Variants in FRMD5 observed in about 807,000 individuals in gnomAD.
FRMD5 encodes FERM domain containing 5, also known as FERM domain-containing protein 5.
FRMD5 carries 20 observed loss-of-function variants against 69.0 expected under a neutral mutation model. The observed-to-expected ratio is 0.29, with a 90% CI of 0.20 to 0.42. The LOEUF (loss-of-function observed/expected upper bound fraction) is 0.42, where lower values mean the gene tolerates loss of function less well. FRMD5 is among the 10% of genes least tolerant of loss of function. FRMD5 has a pLI of 1.00. For synonymous variants in FRMD5, 271 were observed against 260.1 expected (o/e 1.04, Z -0.40); for missense variants, 595 against 708.6 (o/e 0.84, Z 1.82).
intron 1 of FRMD5, among the ~76,000 whole-genome samples, chr15:43,926,884 G>C (rs915745452): frequency 1.4e-5 from 2 of 147,794 alleles, no homozygotes; most frequent in African/African-American, 5.0e-5. Context: ...GTTTCTCCTA[G>C]GACCTCACTA....
intron 1 of FRMD5, among the ~76,000 whole-genome samples, chr15:44,033,653 T>C (rs1013036535): frequency 2.0e-5 from 3 of 152,218 alleles, no homozygotes; most frequent in African/African-American, 7.2e-5. Flanking sequence ...AAAATGGTTT[T>C]AGTTCTGAGC....
chr15:43,951,096 T>C (rs939550835), intron 1 of FRMD5, among the ~76,000 whole-genome samples: 1 of 152,090 alleles, frequency 6.6e-6, no homozygotes, highest in African/African-American at 2.4e-5. Context: ...TTTGAGAACA[T>C]AAAAATCTGT....
intron 1 of FRMD5, among the ~76,000 whole-genome samples, chr15:44,126,023 TGATCAGATAGTATC>T (rs750332428): frequency 2.6e-5 from 4 of 152,228 alleles, no homozygotes; most frequent in Non-Finnish European, 5.9e-5. Context: ...CACAGAGTTA[TGATCAGATAGTATC>T]AAAAAAACCA....
intron 1 of FRMD5, among the ~76,000 whole-genome samples, chr15:44,193,625 C>A (rs920208949): frequency 6.6e-6 from 1 of 152,196 alleles, no homozygotes; most frequent in Non-Finnish European, 1.5e-5. Flanking sequence ...AGATTTTGTG[C>A]TCTTTCTCTA....
intron 1 of FRMD5, among the ~76,000 whole-genome samples, chr15:44,193,062 C>T (rs1380247671): frequency 6.6e-6 from 1 of 152,008 alleles, no homozygotes; most frequent in African/African-American, 2.4e-5. Context: ...AAAAACTACC[C>T]ACAATTATAA....
intron 7 of FRMD5, among the ~76,000 whole-genome samples, chr15:43,899,261 A>T (rs961049261): frequency 7.2e-5 from 11 of 152,058 alleles, no homozygotes; most frequent in Non-Finnish European, 1.3e-4. Context: ...TTGCTGGGAG[A>T]GCTGAGGAAT....
chr15:43,992,343 CTTTT>C (rs5812259), intron 1 of FRMD5, among the ~76,000 whole-genome samples: 3 of 134,932 alleles, frequency 2.2e-5, no homozygotes, highest in Non-Finnish European at 1.6e-5. Flanking sequence ...GTTGTAAATT[CTTTT>C]TTTTTTTTTT....
At position 44,192,003 on chromosome 15, in the gene FRMD5, G is replaced by A. The variant is rs184063657; in HGVS notation, c.102+2950C>T. 2.1e-4 allele frequency among the ~76,000 whole-genome samples: 31 copies of A among 147,874 alleles called. No homozygotes were observed. The Middle Eastern group carries it at 0.011, about 52-fold the overall frequency. On this transcript the variant is annotated intron_variant, in intron 1 of 13. Coordinates refer to ENST00000417257, the MANE Select transcript of FRMD5 (RefSeq NM_032892.5). The stretch of plus-strand genomic sequence containing the variant: ...ATGAGTAGACCAGATCTGCATTTAC[G>A]AGGAAATGACCTTCAAAACTGGCAG...
chr15:43,994,852 T>C (rs1889848622), intron 1 of FRMD5, among the ~76,000 whole-genome samples: 1 of 152,268 alleles, frequency 6.6e-6, no homozygotes, highest in Non-Finnish European at 1.5e-5. Context: ...TGAGTTTGTA[T>C]GTTTTAATGT....
At chr15:44,198,829 C>T (rs1595583591), upstream of FRMD5, among the ~76,000 whole-genome samples, 4 of 152,178 alleles carry the variant, frequency 2.6e-5, no homozygotes, top group Admixed American at 2.6e-4. Flanking sequence ...TGAGAACCAG[C>T]GTGCCATAGC....
chr15:43,919,886 A>T, intron 2 of FRMD5, 77 bp from the exon 3 acceptor site: 1 of 1,331,216 alleles, frequency 7.5e-7, no homozygotes, highest in Non-Finnish European at 1.1e-6. Flanking sequence ...CCAACTTAAA[A>T]AACTAGACAG....
chr15:44,101,796 G>A (rs193060683), intron 1 of FRMD5, among the ~76,000 whole-genome samples: 2 of 152,316 alleles, frequency 1.3e-5, no homozygotes, highest in African/African-American at 4.8e-5. Flanking sequence ...TGTTTCCTCT[G>A]AGAATGATGC....
At chr15:44,116,846 C>T (rs2076875167) in intron 1 of FRMD5, among the ~76,000 whole-genome samples, 1 of 152,144 alleles carries the variant, frequency 6.6e-6, no homozygotes, top group South Asian at 2.1e-4. Flanking sequence ...CTTAGGGAGG[C>T]TGAGGCGGGC....
intron 1 of FRMD5, among the ~76,000 whole-genome samples, chr15:44,060,752 A>G (rs1452049390): frequency 6.6e-6 from 1 of 152,202 alleles, no homozygotes; most frequent in African/African-American, 2.4e-5. Flanking sequence ...ACTTAATTAC[A>G]TAAAATAATG....
At chr15:44,087,241 A>G (rs1184102400) in intron 1 of FRMD5, among the ~76,000 whole-genome samples, 1 of 152,144 alleles carries the variant, frequency 6.6e-6, no homozygotes, top group Non-Finnish European at 1.5e-5. Context: ...GCTGGCCTCA[A>G]ACTCTTGACT....
chr15:44,145,897 G>T (rs531231428), intron 1 of FRMD5, among the ~76,000 whole-genome samples: 16 of 152,214 alleles, frequency 1.1e-4, no homozygotes, highest in African/African-American at 3.9e-4. Context: ...CATACTAAGG[G>T]AGCTTACCAT....
Position 43,983,930 on chromosome 15 carries a change from T to A in FRMD5, c.103-59621A>T, listed in dbSNP as rs1355194876. On this transcript the variant is annotated intron_variant, in intron 1 of 13. Transcript: ENST00000417257. ...ATAAAGAAGTCCCTTGATCTCAGTT[T>A]CCCTGAACTATGCAGCTCTTCAGTC... 3.9e-5 allele frequency among the ~76,000 whole-genome samples: 6 copies of A among 152,234 alleles called. No individual in the cohort carries two copies. In the East Asian group the frequency reaches 1.2e-3, roughly 29 times the overall value.
rs144352745 is a variant in FRMD5 at position 43,964,309 on chromosome 15, T to C, written c.103-40000A>G. ...TTCATTTCTGTGATAACTAATCCTT[T>C]TGTGGCTATTTTCCTGAACTTTTTT... On this transcript the variant is annotated intron_variant, in intron 1 of 13. Coordinates refer to ENST00000417257, the MANE Select transcript of FRMD5 (RefSeq NM_032892.5). Among the ~76,000 whole-genome samples, 85 of 151,964 alleles carry C rather than the reference T, an allele frequency of 5.6e-4. No homozygotes were observed. The East Asian group carries it at 0.016, about 28-fold the overall frequency.
chr15:44,133,447 G>A (rs183146981), intron 1 of FRMD5, among the ~76,000 whole-genome samples: 2 of 150,604 alleles, frequency 1.3e-5, no homozygotes, highest in Non-Finnish European at 3.0e-5. Flanking sequence ...GTGGTGGCAG[G>A]TGCTTGTAGT....
Sources: gnomAD v4.1 joint callset for allele counts (sites outside exome capture counted in the v4.1 genomes callset) on GRCh38, gnomAD v4.1.1 for gene constraint, MANE v1.5 for transcripts, NCBI Gene and HGNC (gene_info 2026-07-23, HGNC 2026-07-21) for gene names.